Variants in DNAH10 observed in about 807,000 individuals in gnomAD.
The protein encoded by DNAH10 is axonemal beta dynein heavy chain 10.
A neutral mutation model predicts 506.6 loss-of-function variants in DNAH10; 348 were observed. That is an observed-to-expected ratio of 0.69 (90% confidence interval 0.63 to 0.75). The LOEUF is 0.75. Ranked by LOEUF, DNAH10 falls within the 30% of genes least tolerant of loss-of-function variation. The pLI, the probability that DNAH10 is intolerant of heterozygous loss-of-function variation, is 0.00. For synonymous variants in DNAH10, 2,059 were observed against 2,198.6 expected (o/e 0.94, Z 1.78); for missense variants, 5,179 against 5,787.1 (o/e 0.89, Z 3.41).
Position 123,916,197 on chromosome 12 carries a change from G to A in DNAH10, c.10723-260G>A, listed in dbSNP as rs1218676334. On this transcript the variant is annotated intron_variant, in intron 62 of 78. Coordinates refer to ENST00000673944, the MANE Select transcript of DNAH10 (RefSeq NM_001372106.1). This position sits in a 1 kb window ranked among gnomAD's most constrained non-coding sequence, Gnocchi z 4.6. ...TCCAACATCTACCCTCTCTCTTAAAGAGGAGGGGTTCTAGCTTACGGGAGA... is the reference window on the plus strand; with the variant it reads ...TCCAACATCTACCCTCTCTCTTAAAAAGGAGGGGTTCTAGCTTACGGGAGA... 1.3e-5 allele frequency among the ~76,000 whole-genome samples: 2 copies of A among 152,148 alleles called. No individual in the cohort carries two copies. The highest frequency in any genetic ancestry group is 4.8e-5 in the African/African-American group (2 of 41,428).
chr12:123,874,827 CT>C (rs1952185544), intron 46 of DNAH10, among the ~76,000 whole-genome samples: 1 of 152,172 alleles, frequency 6.6e-6, no homozygotes, highest in African/African-American at 2.4e-5. Context: ...ATCACACCCC[CT>C]GGGTGGCACT....
intron 39 of DNAH10, among the ~76,000 whole-genome samples, chr12:123,863,529 G>T (rs1427117303): frequency 6.6e-6 from 1 of 152,214 alleles, no homozygotes; most frequent in Non-Finnish European, 1.5e-5. Flanking sequence ...GAAGGCTCTA[G>T]GGCAAATCCT....
At chr12:123,832,315 G>A (rs1960648832) in intron 26 of DNAH10, among the ~76,000 whole-genome samples, 1 of 151,946 alleles carries the variant, frequency 6.6e-6, no homozygotes, top group African/African-American at 2.4e-5. Flanking sequence ...AGTGTACCTA[G>A]TATGCACACG....
chr12:123,779,881 A>G (rs572267706), intron 5 of DNAH10, among the ~76,000 whole-genome samples: 3 of 152,274 alleles, frequency 2.0e-5, no homozygotes, highest in East Asian at 1.9e-4. Flanking sequence ...AGACAAAACT[A>G]AAAAACAAAA....
chr12:123,887,350 C>A, intron 52 of DNAH10, 37 bp downstream of exon 52: 3 of 1,597,560 alleles, frequency 1.9e-6, no homozygotes, highest in Non-Finnish European at 2.6e-6. Context: ...GGCCAACACC[C>A]CGCTCAGCTC....
At chr12:123,910,269 G>C (rs1292048210) in intron 58 of DNAH10, among the ~76,000 whole-genome samples, 1 of 152,204 alleles carries the variant, frequency 6.6e-6, no homozygotes, top group African/African-American at 2.4e-5. Flanking sequence ...TGGGTGCCCA[G>C]TTGGGAGTCT....
intron 45 of DNAH10, 33 bp from the exon 46 acceptor site, chr12:123,873,525 G>T: frequency 6.4e-7 from 1 of 1,573,674 alleles, no homozygotes; most frequent in South Asian, 1.2e-5. Context: ...TGGGGAAAAA[G>T]CTGGCTTTTC....
At position 123,931,358 on chromosome 12, in the gene DNAH10, C is replaced by T; in HGVS notation, c.12802C>T (p.Pro4268Ser). The change falls in exon 74 of 79, where the codon CCG (proline) becomes TCG (serine). Residue 4268 changes from proline (P) to serine (S), a missense_variant. By Grantham distance (74) the Pro-to-Ser change is moderately conservative (BLOSUM62 -1). Transcript: ENST00000673944. ...EKFVEAIEAL[P>S]LANTPEVFGL... ...GATTGCAGAAGCCATCGAGGCCCTC[C>T]CGCTTGCCAACACGCCAGAAGTGTT... 6.2e-7 allele frequency: 1 copy of T among 1,613,802 alleles called. No homozygotes were observed. Among genetic ancestry groups the T allele is most frequent in the Non-Finnish European group, 8.5e-7 (1 of 1,179,902 alleles).
chr12:123,809,003 C>T (rs1958823908), intron 19 of DNAH10, 50 bp downstream of exon 19: 1 of 1,605,078 alleles, frequency 6.2e-7, no homozygotes. Flanking sequence ...CTCAGGATGC[C>T]TCCGCCTCCC....
At chr12:123,906,051 C>G (rs1263344993) in intron 57 of DNAH10, among the ~76,000 whole-genome samples, 1 of 147,180 alleles carries the variant, frequency 6.8e-6, no homozygotes, top group East Asian at 2.0e-4. Flanking sequence ...CTGAGTAGCT[C>G]CAGCCTCCTG....
intron 77 of DNAH10, among the ~76,000 whole-genome samples, chr12:123,933,724 T>A (rs750806362): frequency 1.3e-5 from 2 of 152,212 alleles, no homozygotes; most frequent in African/African-American, 2.4e-5. Context: ...ACTTTCTCCG[T>A]TGAGACCTGG....
intron 11 of DNAH10, among the ~76,000 whole-genome samples, chr12:123,791,865 C>G (rs944980913): frequency 6.6e-6 from 1 of 152,200 alleles, no homozygotes; most frequent in Non-Finnish European, 1.5e-5. Context: ...GTCACTTAAT[C>G]AAGTGATACT....
Position 123,853,143 on chromosome 12 carries a change from T to C in DNAH10, c.6292-63T>C. The C allele has an allele frequency of 1.4e-6, 2 of 1,452,300 alleles. No individual in the cohort carries two copies. The highest frequency in any genetic ancestry group is 4.7e-5 in the Admixed American group (2 of 42,556). The allele number at this position is 1,452,300 out of a possible 1,614,324, so 90.0% of individuals were successfully genotyped here. ...TTTTCTTGCATTTGTAGAATGATGC[T>C]CCATTGCTTTTGAATCATTTTCTTT... On this transcript the variant is annotated intron_variant, in intron 35 of 78. Transcript: ENST00000673944. This position sits in a 1 kb window ranked among gnomAD's most constrained non-coding sequence, Gnocchi z 4.7.
chr12:123,782,419 T>G (rs1370142665), intron 6 of DNAH10, among the ~76,000 whole-genome samples: 3 of 138,524 alleles, frequency 2.2e-5, no homozygotes, highest in Non-Finnish European at 4.7e-5. Context: ...TTCTTTTTTT[T>G]TTTTTTTTTT....
Position 123,909,752 on chromosome 12 carries a change from T to C in DNAH10, c.9997+310T>C, listed in dbSNP as rs1953982302. ...TGGAACCTAGCCCAGCCTTGTCTTC[T>C]GTGCATCTCACCCAGTGCTGTTCAG... On this transcript the variant is annotated intron_variant, in intron 58 of 78. Transcript: ENST00000673944. The surrounding 1 kb of genome is among the most constrained non-coding windows in gnomAD (Gnocchi z 5.4). Among the ~76,000 whole-genome samples the C allele has an allele frequency of 6.6e-6, 1 of 152,252 alleles. No individual in the cohort carries two copies. Among genetic ancestry groups the C allele is most frequent in the Admixed American group, 6.5e-5 (1 of 15,290 alleles).
At chr12:123,822,056 A>G (rs1959467579) in intron 24 of DNAH10, among the ~76,000 whole-genome samples, 1 of 152,128 alleles carries the variant, frequency 6.6e-6, no homozygotes, top group African/African-American at 2.4e-5. Context: ...GAAATACAAA[A>G]CTTAGCCAGA....
At chr12:123,887,457 A>G (rs2137125152) in intron 52 of DNAH10, 144 bp downstream of exon 52, 1 of 954,772 alleles carries the variant, frequency 1.0e-6, no homozygotes, top group South Asian at 1.8e-5. Context: ...GGCCCCTGAG[A>G]TAGGTCTCAT....
Position 123,841,337 on chromosome 12 carries a change from G to A in DNAH10, c.5152G>A (p.Ala1718Thr), listed in dbSNP as rs1950767678. 1.2e-6 allele frequency: 2 copies of A among 1,614,014 alleles called. No individual in the cohort carries two copies. The highest frequency in any genetic ancestry group is 1.3e-5 in the African/African-American group (1 of 75,046). Reference protein sequence around the residue: ...EHMIKMYDNIASLRFNDGDSG... With the variant: ...EHMIKMYDNITSLRFNDGDSG... Reference sequence around the variant, plus strand: ...CTGTTTGCAGATGTACGACAACATAGCATCACTGAGGTTTAATGACGGCGA... The same window carrying A: ...CTGTTTGCAGATGTACGACAACATAACATCACTGAGGTTTAATGACGGCGA... The change falls in exon 30 of 79, where the codon GCA becomes ACA. Residue 1718 changes from alanine (A) to threonine (T), a missense_variant. Ala to Thr is a moderately conservative substitution (Grantham distance 58). Transcript: ENST00000673944.
chr12:123,882,622 G>A (rs964594760), intron 51 of DNAH10, among the ~76,000 whole-genome samples: 16 of 151,756 alleles, frequency 1.1e-4, no homozygotes, highest in South Asian at 4.2e-4. Flanking sequence ...GTGAAACCCC[G>A]TCTCTACTAA....
Sources: gnomAD v4.1 joint callset for allele counts (sites outside exome capture counted in the v4.1 genomes callset) on GRCh38, gnomAD v4.1.1 for gene constraint, Gnocchi (gnomAD v3.1) non-coding constraint, MANE v1.5 for transcripts, NCBI Gene and HGNC (gene_info 2026-07-23, HGNC 2026-07-21) for gene names.